Variants in ITGA2 observed in about 807,000 individuals in gnomAD.
ITGA2 encodes integrin alpha-2.
ITGA2 carries 101 observed loss-of-function variants against 146.3 expected under a neutral mutation model. The ratio of observed to expected loss-of-function variants is 0.69; its 90% confidence interval spans 0.59 to 0.81. The LOEUF (loss-of-function observed/expected upper bound fraction) is 0.81, where lower values mean the gene tolerates loss of function less well. Among genes scored for constraint, ITGA2 ranks in the 40% least tolerant of loss-of-function variants. The pLI is 0.00. For missense variants in ITGA2, 1,281 were observed against 1,402.7 expected (o/e 0.91, Z 1.39); for synonymous variants, 477 against 487.1 (o/e 0.98, Z 0.27).
chr5:53,060,040 A>G (rs752836312), intron 11 of ITGA2, 28 bp downstream of exon 11: 1 of 1,610,686 alleles, frequency 6.2e-7, no homozygotes, highest in African/African-American at 1.3e-5. Flanking sequence ...TTGGCTCAGC[A>G]AACTTAAGTT....
Position 53,072,704 on chromosome 5 carries a change from TA to T in ITGA2, c.2429+10del, listed in dbSNP as rs751164690. On this transcript the variant is annotated intron_variant, in intron 19 of 29. Transcript: ENST00000296585. ...CAAATACCAGCTGCTCAGTAAGTTT[TA>T]CTTTAAAGCTTGTTGTAAAATGTAG... 3.1e-6 allele frequency: 5 copies of T among 1,597,934 alleles called. No homozygotes were observed. In the African/African-American group the frequency reaches 5.4e-5, roughly 17 times the overall value.
chr5:53,018,238 C>T (rs147678710), intron 1 of ITGA2, among the ~76,000 whole-genome samples: 12 of 152,254 alleles, frequency 7.9e-5, no homozygotes, highest in African/African-American at 1.4e-4. Flanking sequence ...GAGGGATGGG[C>T]GTTCTTGGCC....
intron 1 of ITGA2, among the ~76,000 whole-genome samples, chr5:52,999,686 T>G (rs1741471620): frequency 6.6e-6 from 1 of 152,138 alleles, no homozygotes; most frequent in African/African-American, 2.4e-5. Context: ...AAGCCTGTTC[T>G]TTGTCCCACA....
intron 1 of ITGA2, among the ~76,000 whole-genome samples, chr5:53,024,833 G>C (rs1742863788): frequency 6.6e-6 from 1 of 152,172 alleles, no homozygotes; most frequent in Admixed American, 6.5e-5. Flanking sequence ...ATACACCAGG[G>C]CTCAATCATG....
rs527311849 is a variant in ITGA2, at chr5:53,042,257, T to C, written c.295+36T>C. 1.7e-4 allele frequency: 213 copies of C among 1,219,414 alleles called. 3 individuals carry two copies. In the South Asian group the frequency reaches 2.5e-3, roughly 14 times the overall value. The allele number at this position is 1,219,414 out of a possible 1,614,324, so 75.5% of individuals were successfully genotyped here. A position where few individuals can be genotyped will look rare whatever the true frequency, so the allele number is the denominator to read the frequency against. ...ATTTACTTGCAAGGCATGTGATTTG[T>C]CTTAGACTCAACTGAAAAATAACAT... On this transcript the variant is annotated intron_variant, in intron 3 of 29. Transcript: ENST00000296585.
rs113282066 is a variant in ITGA2 at position 53,064,967 on chromosome 5, G to A, written c.1658G>A (p.Arg553Gln). Residue 553 changes from arginine (R) to glutamine (Q), a missense_variant, in exon 14 of 30, where the codon CGA (arginine) becomes CAA (glutamine). By Grantham distance (43) the Arg-to-Gln change is conservative. Around this residue, in one of 3 missense-constraint regions of ITGA2, gnomAD observed 795 missense variants for 841.7 expected, o/e 0.94. Coordinates refer to ENST00000296585, the MANE Select transcript of ITGA2 (RefSeq NM_002203.4). ...GGCCCCGAGGGCATTGAAAACACTC[G>A]ATTTGGTTCAGCAATTGCAGCTCTT... ...LEGPEGIENT[R>Q]FGSAIAALSD... is the part of the protein sequence containing the mutation. The A allele has an allele frequency of 4.0e-5, 65 of 1,612,868 alleles. No homozygotes were observed. The highest frequency in any genetic ancestry group is 3.3e-4 in the Middle Eastern group (2 of 6,054).
intron 7 of ITGA2, among the ~76,000 whole-genome samples, chr5:53,054,683 A>G (rs1241713046): frequency 6.6e-6 from 1 of 152,166 alleles, no homozygotes. Flanking sequence ...ATGTGCTGAT[A>G]TGGAAAGGTC....
chr5:53,014,330 A>C (rs769283761), intron 1 of ITGA2, among the ~76,000 whole-genome samples: 7 of 152,102 alleles, frequency 4.6e-5, no homozygotes, highest in Non-Finnish European at 8.8e-5. Flanking sequence ...ATTTTATCGA[A>C]AGGTTTTTCT....
chr5:53,077,437 C>T (rs1745712771), intron 23 of ITGA2, among the ~76,000 whole-genome samples: 1 of 151,842 alleles, frequency 6.6e-6, no homozygotes, highest in Admixed American at 6.6e-5. Flanking sequence ...AAGCAGGATC[C>T]CCCTGAGTAT....
At chr5:53,075,582 T>C (rs1395753127) in intron 23 of ITGA2, among the ~76,000 whole-genome samples, 1 of 151,952 alleles carries the variant, frequency 6.6e-6, no homozygotes, top group African/African-American at 2.4e-5. Flanking sequence ...GCAGGCCCTC[T>C]GAGTAGCTGC....
chr5:52,993,718 CA>C (rs1169109548), intron 1 of ITGA2, among the ~76,000 whole-genome samples: 1 of 152,150 alleles, frequency 6.6e-6, no homozygotes, highest in African/African-American at 2.4e-5. Flanking sequence ...GACACATGTT[CA>C]GTCAATGTGT....
Position 53,030,613 on chromosome 5 carries a change from C to T in ITGA2, c.185+3745C>T, listed in dbSNP as rs141597456. Among the ~76,000 whole-genome samples the T allele has an allele frequency of 1.0e-3, 152 of 152,164 alleles. 1 individual carries two copies. Among genetic ancestry groups the T allele is most frequent in the African/African-American group, 3.4e-3 (142 of 41,484 alleles). On this transcript the variant is annotated intron_variant, in intron 2 of 29. Transcript: ENST00000296585. Reference sequence around the variant, plus strand: ...GTCTGGGTCCTTTTGTTGATCTGGTCTTATGAAGCAAAGAAACAAGAGAGG... The same window carrying T: ...GTCTGGGTCCTTTTGTTGATCTGGTTTTATGAAGCAAAGAAACAAGAGAGG...
At chr5:53,074,004 A>G (rs991465830) in intron 20 of ITGA2, among the ~76,000 whole-genome samples, 1 of 151,514 alleles carries the variant, frequency 6.6e-6, no homozygotes, top group Admixed American at 6.6e-5. Context: ...ACACCAACAT[A>G]TGATTTTACT....
chr5:52,998,383 G>A (rs1407080973), intron 1 of ITGA2, among the ~76,000 whole-genome samples: 1 of 152,138 alleles, frequency 6.6e-6, no homozygotes, highest in East Asian at 1.9e-4. Context: ...GAACCTGGGA[G>A]GCGGAGGTTG....
intron 1 of ITGA2, among the ~76,000 whole-genome samples, chr5:52,999,067 C>G (rs764048606): frequency 1.3e-5 from 2 of 152,124 alleles, no homozygotes; most frequent in Non-Finnish European, 2.9e-5. Context: ...TGACAAGTAA[C>G]AAGATGAATG....
chr5:53,048,536 AG>A (rs954624704), intron 5 of ITGA2, 59 bp downstream of exon 5: 2 of 1,605,866 alleles, frequency 1.2e-6, no homozygotes, highest in African/African-American at 1.3e-5. Flanking sequence ...GAGGGGGAAA[AG>A]GTTATCAACT....
intron 14 of ITGA2, 39 bp from the exon 15 acceptor site, chr5:53,065,802 G>A (rs1291630702): frequency 3.1e-6 from 5 of 1,610,990 alleles, no homozygotes; most frequent in Non-Finnish European, 4.2e-6. Flanking sequence ...TGGTTCAGCT[G>A]TTGTGTACTA....
chr5:53,011,739 G>T (rs574949358), intron 1 of ITGA2, among the ~76,000 whole-genome samples: 5 of 151,940 alleles, frequency 3.3e-5, no homozygotes, highest in African/African-American at 7.3e-5. Context: ...ATGTGAGTGG[G>T]GGGGAGTGAG....
At position 53,056,159 on chromosome 5, in the gene ITGA2, A is replaced by G. The variant is rs1561128689; in HGVS notation, c.1096+10A>G. 1 of 1,608,874 alleles carries G rather than the reference A, an allele frequency of 6.2e-7. No homozygotes were observed. The highest frequency in any genetic ancestry group is 2.2e-5 in the East Asian group (1 of 44,632). On this transcript the variant is annotated intron_variant, in intron 9 of 29. Coordinates refer to ENST00000296585, the MANE Select transcript of ITGA2 (RefSeq NM_002203.4). ...ATTTTCAGCATTGAAGGTAAAAAAA[A>G]TAACCTCCTTTCAAGAATTTTCTTC...
Sources: gnomAD v4.1 joint callset for allele counts (sites outside exome capture counted in the v4.1 genomes callset) on GRCh38, gnomAD v4.1.1 for gene constraint, gnomAD v4.1.1 regional missense constraint, MANE v1.5 for transcripts, NCBI Gene and HGNC (gene_info 2026-07-23, HGNC 2026-07-21) for gene names.